Variants in GRID2 observed in about 807,000 individuals in gnomAD.
The protein encoded by GRID2 is glutamate receptor ionotropic, delta-2.
Under a neutral mutation model 114.8 loss-of-function variants are expected in GRID2, and 33 were observed. That is an observed-to-expected ratio of 0.29 (90% CI 0.22 to 0.38). The LOEUF is 0.38. Ranked by LOEUF, GRID2 falls within the 10% of genes least tolerant of loss-of-function variation. The probability of loss-of-function intolerance (pLI) is 1.00; values close to 1 mark genes in which losing one functional copy is unlikely to be tolerated. For missense variants in GRID2, 1,184 were observed against 1,257.7 expected (o/e 0.94, Z 0.89); for synonymous variants, 505 against 449.9 (o/e 1.12, Z -1.55).
At chr4:92,471,210 T>G (rs1438278212) in intron 1 of GRID2, among the ~76,000 whole-genome samples, 1 of 152,068 alleles carries the variant, frequency 6.6e-6, no homozygotes, top group Non-Finnish European at 1.5e-5. Context: ...GAGGTATTGG[T>G]ATAAGGTTAG....
chr4:93,095,204 T>A (rs1229185486), intron 3 of GRID2, among the ~76,000 whole-genome samples: 1 of 151,890 alleles, frequency 6.6e-6, no homozygotes, highest in African/African-American at 2.4e-5. Context: ...TATACATGTA[T>A]CATGGTGGTT....
rs148186798 is a variant in GRID2 at position 93,455,919 on chromosome 4, G to A, written c.1803G>A (p.Thr601=). 307 of 1,611,120 alleles carry A rather than the reference G, an allele frequency of 1.9e-4. No homozygotes were observed. Among genetic ancestry groups the A allele is most frequent in the East Asian group, 5.8e-4 (26 of 44,856 alleles). ...CACGATTACAAATGGGATCAATGAC[G>A]TCTACTACTCTCTACAACTCCATGT... is the stretch of plus-strand genomic sequence containing the variant. ...NPPRLQMGSM[T]STTLYNSMWF... The change falls in exon 11 of 16, where the codon ACG becomes ACA. Residue 601 remains threonine (T), a synonymous_variant. Transcript: ENST00000282020.
chr4:92,528,692 G>A (rs1725161046), intron 1 of GRID2, among the ~76,000 whole-genome samples: 1 of 151,924 alleles, frequency 6.6e-6, no homozygotes, highest in Non-Finnish European at 1.5e-5. Context: ...AGCTGAAGAA[G>A]TGTGTGGTAA....
intron 1 of GRID2, among the ~76,000 whole-genome samples, chr4:93,798,190 G>T (rs574215679): frequency 2.9e-4 from 44 of 152,086 alleles, no homozygotes; most frequent in African/African-American, 9.2e-4. Context: ...AGAGGAGCAG[G>T]AGTCAATGGG....
intron 2 of GRID2, among the ~76,000 whole-genome samples, chr4:92,783,999 T>G (rs986378652): frequency 5.3e-5 from 8 of 152,058 alleles, no homozygotes; most frequent in South Asian, 2.1e-4. Flanking sequence ...TAAATCAATG[T>G]TTTTCCTTTC....
intron 14 of GRID2, among the ~76,000 whole-genome samples, chr4:93,657,533 C>T (rs1723126012): frequency 6.6e-6 from 1 of 152,084 alleles, no homozygotes; most frequent in Non-Finnish European, 1.5e-5. Flanking sequence ...TGGATAAAAA[C>T]ATGCACACAT....
intron 13 of GRID2, among the ~76,000 whole-genome samples, chr4:93,521,538 T>A (rs1168276722): frequency 1.3e-5 from 2 of 152,054 alleles, no homozygotes; most frequent in African/African-American, 4.8e-5. Context: ...GGGTGATGAA[T>A]GCTAAAAATT....
chr4:92,355,216 G>A lies in GRID2; in HGVS notation c.88+50472G>A, dbSNP rs573748080. Among the ~76,000 whole-genome samples, 11 of 151,928 alleles carry A rather than the reference G, an allele frequency of 7.2e-5. No individual in the cohort carries two copies. In the South Asian group the frequency reaches 2.3e-3, roughly 31 times the overall value. Reference sequence around the variant, plus strand: ...TTTCAGCCATGGCCACATTACGTATGTAGTTTCTAAAAAGATACATAGCTC... The same window carrying A: ...TTTCAGCCATGGCCACATTACGTATATAGTTTCTAAAAAGATACATAGCTC... On this transcript the variant is annotated intron_variant, in intron 1 of 15. Coordinates refer to ENST00000282020, the MANE Select transcript of GRID2 (RefSeq NM_001510.4).
intron 1 of GRID2, among the ~76,000 whole-genome samples, chr4:92,315,618 A>G (rs1725926898): frequency 6.6e-6 from 1 of 152,148 alleles, no homozygotes; most frequent in Non-Finnish European, 1.5e-5. Flanking sequence ...TCATTGATTG[A>G]CTTAGTATCT....
intron 4 of GRID2, among the ~76,000 whole-genome samples, chr4:93,192,446 G>A (rs1445128378): frequency 6.6e-6 from 1 of 152,032 alleles, no homozygotes; most frequent in East Asian, 1.9e-4. Context: ...TAGGTCTTAA[G>A]AAAGGAGATT....
intron 2 of GRID2, among the ~76,000 whole-genome samples, chr4:92,849,939 A>T (rs181208341): frequency 2.0e-5 from 3 of 151,660 alleles, no homozygotes; most frequent in Non-Finnish European, 2.9e-5. Flanking sequence ...GCAATTAAAG[A>T]TTATAATATA....
chr4:92,453,983 A>G (rs960266829), intron 1 of GRID2, among the ~76,000 whole-genome samples: 2 of 152,202 alleles, frequency 1.3e-5, no homozygotes, highest in African/African-American at 2.4e-5. Flanking sequence ...AAACCACAGC[A>G]TGCACACTTT....
At chr4:92,443,551 A>G (rs1330049108) in intron 1 of GRID2, among the ~76,000 whole-genome samples, 3 of 152,038 alleles carry the variant, frequency 2.0e-5, no homozygotes, top group African/African-American at 4.8e-5. Context: ...CACAGAGATA[A>G]GAGGTCGGGA....
chr4:92,328,650 G>A (rs938372114), intron 1 of GRID2, among the ~76,000 whole-genome samples: 9 of 151,714 alleles, frequency 5.9e-5, no homozygotes, highest in Admixed American at 2.6e-4. Context: ...TTTTATGCCC[G>A]TGATCACAAA....
At chr4:92,487,287 C>T (rs992297367) in intron 1 of GRID2, among the ~76,000 whole-genome samples, 2 of 151,650 alleles carry the variant, frequency 1.3e-5, no homozygotes, top group African/African-American at 4.8e-5. Flanking sequence ...TATATTATTT[C>T]TTGTATTTAA....
chr4:92,874,457 C>T (rs1197106026), intron 2 of GRID2, among the ~76,000 whole-genome samples: 4 of 152,004 alleles, frequency 2.6e-5, no homozygotes, highest in South Asian at 2.1e-4. Context: ...AAATGTCATA[C>T]CTCCATCTAA....
chr4:93,366,769 C>T (rs1762378022), intron 8 of GRID2, among the ~76,000 whole-genome samples: 1 of 151,994 alleles, frequency 6.6e-6, no homozygotes, highest in African/African-American at 2.4e-5. Flanking sequence ...TGTACTCTGT[C>T]CCTTTATTTC....
At chr4:92,613,522 G>T (rs560350009) in intron 2 of GRID2, among the ~76,000 whole-genome samples, 36 of 151,552 alleles carry the variant, frequency 2.4e-4, no homozygotes, top group Middle Eastern at 3.4e-3. Context: ...TTTGATAGAA[G>T]TTAGCAGTAT....
In GRID2 at chr4:92,756,183, G is replaced by A. The variant is rs149015752; in HGVS notation, c.244+165897G>A. Among the ~76,000 whole-genome samples, 221 of 152,188 alleles carry A rather than the reference G, an allele frequency of 1.5e-3. 1 individual carries two copies. Among genetic ancestry groups the A allele is most frequent in the African/African-American group, 5.0e-3 (207 of 41,530 alleles). On this transcript the variant is annotated intron_variant, in intron 2 of 15. Transcript: ENST00000282020. ...CTTTTTAGCTCCCATATATGAGTGA[G>A]CACATGGGATATTTGTCTTTCTGTA... is the stretch of plus-strand genomic sequence containing the variant.
Sources: gnomAD v4.1 joint callset for allele counts (sites outside exome capture counted in the v4.1 genomes callset) on GRCh38, gnomAD v4.1.1 for gene constraint, MANE v1.5 for transcripts, NCBI Gene and HGNC (gene_info 2026-07-23, HGNC 2026-07-21) for gene names.